ZNF644: variants seen among roughly 807,000 people sequenced by gnomAD.
The protein encoded by ZNF644 is zinc finger motif enhancer binding protein 2.
ZNF644 carries 20 observed loss-of-function variants against 108.0 expected under a neutral mutation model. The ratio of observed to expected loss-of-function variants is 0.19; its 90% CI spans 0.13 to 0.27. The LOEUF (loss-of-function observed/expected upper bound fraction) is 0.27. Ranked by LOEUF, ZNF644 falls within the 10% of genes least tolerant of loss-of-function variation. ZNF644 has a pLI of 1.00. For synonymous variants in ZNF644, 542 were observed against 539.1 expected (o/e 1.01, Z -0.08); for missense variants, 1,338 against 1,548.9 (o/e 0.86, Z 2.29).
At chr1:90,956,813 T>TA (rs1442667985) in intron 2 of ZNF644, among the ~76,000 whole-genome samples, 1 of 151,958 alleles carries the variant, frequency 6.6e-6, no homozygotes, top group Non-Finnish European at 1.5e-5. Flanking sequence ...AGACTCTGTC[T>TA]CAAAAACAAA....
chr1:91,001,452 A>T (rs928582374), intron 1 of ZNF644, among the ~76,000 whole-genome samples: 1 of 152,240 alleles, frequency 6.6e-6, no homozygotes, highest in African/African-American at 2.4e-5. Context: ...TTATCTCAAT[A>T]GATGCAGAAA....
At chr1:90,926,614 G>A (rs1336510326) in intron 4 of ZNF644, among the ~76,000 whole-genome samples, 6 of 152,166 alleles carry the variant, frequency 3.9e-5, no homozygotes, top group African/African-American at 1.4e-4. Flanking sequence ...AATGAAGCCT[G>A]CCCTTCTACC....
chr1:90,916,848 A>T lies in ZNF644; in HGVS notation c.3934T>A (p.Ser1312Thr). 1 of 1,614,202 alleles carries T rather than the reference A, an allele frequency of 6.2e-7. No individual in the cohort carries two copies. Among genetic ancestry groups the T allele is most frequent in the Non-Finnish European group, 8.5e-7 (1 of 1,180,044 alleles). The change falls in exon 6 of 6, where the codon TCC becomes ACC. Residue 1312 changes from serine to threonine, a missense_variant. This residue lies in a region of ZNF644 where 34 missense variants were observed against 78.6 expected (regional missense o/e 0.43). Transcript: ENST00000337393. ...EVTSLLKKPA[S>T]ITETSFSLLM... is the part of the protein sequence containing the mutation. ...AGAGAAAATGAAGTTTCTGTAATGG[A>T]GGCAGGCTTTTTAAGTAGTGACGTG...
rs749012640 is a variant in ZNF644 at position 90,938,990 on chromosome 1, G to T, written c.2364C>A (p.Asp788Glu). 1 of 1,614,010 alleles carries T rather than the reference G, an allele frequency of 6.2e-7. No homozygotes were observed. The highest frequency in any genetic ancestry group is 1.3e-5 in the African/African-American group (1 of 75,042). The change falls in exon 3 of 6, where the codon GAC becomes GAA. Residue 788 changes from aspartate (D) to glutamate (E), a missense_variant. Asp to Glu is a conservative substitution (Grantham distance 45). Coordinates refer to ENST00000337393, the MANE Select transcript of ZNF644 (RefSeq NM_201269.3). The surrounding 1 kb of genome is among the most constrained non-coding windows in gnomAD (Gnocchi z 4.2). ...GCCTTTTGGCGTCAGGCTTATGAGG[G>T]TCTGAAATAAAATTGTTGTGAGAAT... is the stretch of plus-strand genomic sequence containing the variant. ...SSNSHNNFIS[D>E]PHKPDAKRPE...
intron 2 of ZNF644, among the ~76,000 whole-genome samples, chr1:90,965,476 G>A (rs1482941505): frequency 1.3e-5 from 2 of 152,090 alleles, no homozygotes; most frequent in African/African-American, 4.8e-5. Context: ...TCCAAGTGAG[G>A]TTATAGTCTG....
chr1:90,934,750 C>T (rs914686239), intron 4 of ZNF644, among the ~76,000 whole-genome samples: 1 of 152,110 alleles, frequency 6.6e-6, no homozygotes, highest in Non-Finnish European at 1.5e-5. Context: ...AAAATCTATT[C>T]GCTTGTCAAC....
chr1:90,918,087 A>AG lies in ZNF644; in HGVS notation c.3755dup (p.His1253SerfsTer4). On this transcript the variant is annotated frameshift_variant, in exon 5 of 6. Transcript: ENST00000337393. LOFTEE classifies it high-confidence loss of function. ...GAATGTAAACCTCGTCAGCACCATG[A>AG]GGTAATGTTAGCATTTTCTTCTTGC... The AG allele has an allele frequency of 6.2e-7, 1 of 1,614,078 alleles. No individual in the cohort carries two copies. The highest frequency in any genetic ancestry group is 8.5e-7 in the Non-Finnish European group (1 of 1,179,986).
intron 1 of ZNF644, among the ~76,000 whole-genome samples, chr1:91,017,645 G>A (rs1445552915): frequency 6.6e-6 from 1 of 152,110 alleles, no homozygotes; most frequent in Non-Finnish European, 1.5e-5. Flanking sequence ...AATCACATAA[G>A]AGTTCCCAGG....
Position 90,977,108 on chromosome 1 carries a change from CATA to C in ZNF644, c.44+5199_44+5201del, listed in dbSNP as rs138311571. Among the ~76,000 whole-genome samples the C allele has an allele frequency of 7.0e-3, 1,067 of 151,426 alleles. 16 individuals carry two copies. Among genetic ancestry groups the C allele is most frequent in the African/African-American group, 0.025 (1,014 of 41,340 alleles). ...AGACTAACAACTGTAGCTTATCATACATAATAAGGATAGTAAAAAATAACCACA... is the reference window on the plus strand; with the variant it reads ...AGACTAACAACTGTAGCTTATCATACATAAGGATAGTAAAAAATAACCACA... On this transcript the variant is annotated intron_variant, in intron 2 of 5. Coordinates refer to ENST00000337393, the MANE Select transcript of ZNF644 (RefSeq NM_201269.3).
chr1:91,015,625 T>C (rs1022306172), intron 1 of ZNF644, among the ~76,000 whole-genome samples: 10 of 152,204 alleles, frequency 6.6e-5, no homozygotes, highest in African/African-American at 9.7e-5. Flanking sequence ...GTGTATCTAC[T>C]CATCTGCTGA....
intron 1 of ZNF644, among the ~76,000 whole-genome samples, chr1:90,988,547 A>T (rs1657336181): frequency 1.3e-5 from 2 of 152,190 alleles, no homozygotes; most frequent in Non-Finnish European, 1.5e-5. Context: ...CCTTAAATTC[A>T]TATGGAATCT....
intron 2 of ZNF644, among the ~76,000 whole-genome samples, chr1:90,952,255 T>A (rs1204360743): frequency 1.3e-5 from 2 of 152,224 alleles, no homozygotes; most frequent in Non-Finnish European, 2.9e-5. Context: ...CCTTAATGAA[T>A]TAAATCTACA....
At chr1:90,944,287 C>T (rs147098849) in intron 2 of ZNF644, among the ~76,000 whole-genome samples, 150 of 152,152 alleles carry the variant, frequency 9.9e-4, no homozygotes, top group African/African-American at 3.5e-3. Flanking sequence ...TCCTCATTAC[C>T]GGAATGGCTT....
At chr1:91,020,405 C>T (rs1660800059) in intron 1 of ZNF644, 1 of 152,222 alleles carries the variant, frequency 6.6e-6, no homozygotes, top group Non-Finnish European at 1.5e-5. Flanking sequence ...TTTTGTACTT[C>T]ATGAGTTAAT....
intron 4 of ZNF644, among the ~76,000 whole-genome samples, chr1:90,930,285 T>TCA (rs1044093374): frequency 1.2e-4 from 18 of 151,862 alleles, no homozygotes; most frequent in East Asian, 3.9e-4. Flanking sequence ...AAACTCCGTC[T>TCA]CACACACACA....
intron 2 of ZNF644, among the ~76,000 whole-genome samples, chr1:90,949,516 A>G (rs1652867108): frequency 6.6e-6 from 1 of 152,194 alleles, no homozygotes; most frequent in South Asian, 2.1e-4. Context: ...TCTCTCTCAC[A>G]TTATTGTCTT....
rs60262072 is a variant in ZNF644 at position 90,939,658 on chromosome 1, T to A, written c.1696A>T (p.Thr566Ser). ...MVTSDIAQRK[T>S]QKKTFMKDSV... The stretch of plus-strand genomic sequence containing the variant: ...TCTTTCATGAAAGTCTTTTTTTGTG[T>A]TTTTCTCTGGGCAATATCAGAAGTG... The change falls in exon 3 of 6, where the codon ACA becomes TCA. Residue 566 changes from threonine to serine, a missense_variant. This residue lies in a region of ZNF644 where 462 missense variants were observed against 472.6 expected (regional missense o/e 0.98). Coordinates refer to ENST00000337393, the MANE Select transcript of ZNF644 (RefSeq NM_201269.3). 2.4e-3 allele frequency: 3,796 copies of A among 1,613,982 alleles called. 81 individuals are homozygous for A. The African/African-American group carries it at 0.044, about 19-fold the overall frequency.
chr1:91,008,500 A>T (rs1659649627), intron 1 of ZNF644, among the ~76,000 whole-genome samples: 1 of 152,190 alleles, frequency 6.6e-6, no homozygotes, highest in East Asian at 1.9e-4. Flanking sequence ...GCAACTACTT[A>T]AGCAAGCAAT....
intron 1 of ZNF644, among the ~76,000 whole-genome samples, chr1:90,985,145 C>T (rs539762847): frequency 1.1e-4 from 17 of 152,248 alleles, no homozygotes; most frequent in East Asian, 9.7e-4. Context: ...TAAACCAGCA[C>T]ATTTTAGACA....
Sources: allele counts gnomAD v4.1 joint callset (sites outside exome capture counted in the v4.1 genomes callset), GRCh38; gene constraint gnomAD v4.1.1; regional missense constraint gnomAD v4.1.1; non-coding constraint Gnocchi (gnomAD v3.1); transcripts MANE v1.5; gene names NCBI Gene and HGNC (gene_info 2026-07-23, HGNC 2026-07-21).